Variants in ZNF561 observed in about 807,000 individuals in gnomAD.
ZNF561 encodes zinc finger protein 561.
In ZNF561, 16 loss-of-function variants were observed where a neutral mutation model predicts 16.7. The observed-to-expected ratio is 0.96, with a 90% CI of 0.65 to 1.45. The LOEUF is 1.45. Among genes scored for constraint, ZNF561 ranks in the 40% most tolerant of loss-of-function variants. The pLI, the probability that ZNF561 is intolerant of heterozygous loss-of-function variation, is 0.00. For missense variants in ZNF561, 580 were observed against 578.0 expected (o/e 1.00, Z -0.04); for synonymous variants, 190 against 192.1 (o/e 0.99, Z 0.09).
rs373171170 is a variant in ZNF561, at chr19:9,610,959, G to A, written c.702C>T (p.Val234=). 2.5e-6 allele frequency: 4 copies of A among 1,614,046 alleles called. No individual in the cohort carries two copies. In the African/African-American group the frequency reaches 5.3e-5, roughly 22 times the overall value. The change falls in exon 6 of 6, where the codon GTC becomes GTT. Residue 234 remains valine, a synonymous_variant. Transcript: ENST00000302851. ...ACTGCTTTAGGTGTGAAGAAGCTGT[G>A]ACAGCTCTCCCATATTCCTGAAATT... ...LCEFQEYGRA[V]TASSHLKQCV...
chr19:9,620,630 C>G (rs2074654966), intron 1 of ZNF561, among the ~76,000 whole-genome samples: 1 of 152,280 alleles, frequency 6.6e-6, no homozygotes, highest in Non-Finnish European at 1.5e-5. Context: ...GTGTTACCCC[C>G]CCGCCATATG....
chr19:9,617,550 C>A, intron 3 of ZNF561: 1 of 376,482 alleles, frequency 2.7e-6, no homozygotes, highest in African/African-American at 2.1e-5. Context: ...AAACAGGGTC[C>A]AACTGTGTCA....
intron 5 of ZNF561, among the ~76,000 whole-genome samples, chr19:9,612,774 A>T (rs570583053): frequency 1.2e-4 from 19 of 152,330 alleles, no homozygotes; most frequent in Admixed American, 8.5e-4. Flanking sequence ...GTTCAAAAAA[A>T]GAAAACTGTA....
chr19:9,617,794 G>C, intron 3 of ZNF561: 1 of 481,504 alleles, frequency 2.1e-6, no homozygotes, highest in Non-Finnish European at 4.1e-6. Context: ...TTTGATAAAA[G>C]GACACTTTCA....
At chr19:9,614,512 G>A (rs1481721451) in intron 4 of ZNF561, among the ~76,000 whole-genome samples, 1 of 152,190 alleles carries the variant, frequency 6.6e-6, no homozygotes, top group Non-Finnish European at 1.5e-5. Flanking sequence ...TGAGGCTGAG[G>A]CAGTATTGCT....
chr19:9,617,172 C>A lies in ZNF561; in HGVS notation c.115-1G>T. The A allele has an allele frequency of 6.2e-7, 1 of 1,611,990 alleles. No homozygotes were observed. Among genetic ancestry groups the A allele is most frequent in the South Asian group, 1.1e-5 (1 of 90,854 alleles). On this transcript the variant is annotated splice_acceptor_variant, in intron 3 of 5. Transcript: ENST00000302851. LOFTEE classifies it high-confidence loss of function. ...CCACATCATCAAACGTCACTGAATC[C>A]TATGTCATCATACACATGCTGGTTT...
intron 3 of ZNF561, 28 bp from the exon 4 acceptor site, chr19:9,617,199 A>C: frequency 6.2e-7 from 1 of 1,605,374 alleles, no homozygotes; most frequent in South Asian, 1.1e-5. Flanking sequence ...TGCTGGTTTG[A>C]GCCAATGAAC....
chr19:9,618,247 A>C, intron 2 of ZNF561, 68 bp from the exon 3 acceptor site: 1 of 1,399,654 alleles, frequency 7.1e-7, no homozygotes. Flanking sequence ...CATGCCTAGA[A>C]GTCATTCCAT....
At chr19:9,616,325 C>T (rs1404590020) in intron 4 of ZNF561, among the ~76,000 whole-genome samples, 5 of 151,984 alleles carry the variant, frequency 3.3e-5, no homozygotes, top group Admixed American at 6.6e-5. Flanking sequence ...TGTGTCGCCC[C>T]GGCAGGAGTG....
chr19:9,617,211 C>T, intron 3 of ZNF561, 40 bp from the exon 4 acceptor site: 2 of 1,598,010 alleles, frequency 1.3e-6, no homozygotes, highest in South Asian at 2.2e-5. Context: ...CCAATGAACA[C>T]TTCCACCAAT....
chr19:9,610,616 AC>A lies in ZNF561; in HGVS notation c.1044del (p.Gln348HisfsTer65). On this transcript the variant is annotated frameshift_variant, in exon 6 of 6. Transcript: ENST00000302851. LOFTEE classifies it low-confidence loss of function (END_TRUNC). ...ECKECGQAFA[Q>X]YSGLSIHIRS... ...CGTATGTGTATAGAAAGGCCCGAGT[AC>A]TGAGCAAAGGCTTGGCCACATTCCT... 6.2e-7 allele frequency: 1 copy of A among 1,613,974 alleles called. No homozygotes were observed. Among genetic ancestry groups the A allele is most frequent in the Non-Finnish European group, 8.5e-7 (1 of 1,179,900 alleles).
chr19:9,617,238 T>G (rs1225048345), intron 3 of ZNF561, 67 bp from the exon 4 acceptor site: 6 of 1,560,308 alleles, frequency 3.8e-6, no homozygotes, highest in African/African-American at 1.4e-5. Context: ...TGGAGAATGA[T>G]GAAGGGGAAC....
In ZNF561 at chr19:9,619,728, CA is replaced by C. The variant is rs202001082; in HGVS notation, c.-126-147del. ...CACTCAGTAACAAAAGTATTAATAA[CA>C]GTAACTGACATTTACTGAGGACTGA... On this transcript the variant is annotated intron_variant, in intron 1 of 5. Transcript: ENST00000302851. The C allele has an allele frequency of 3.1e-3, 1,128 of 359,544 alleles. 10 individuals carry two copies. Among genetic ancestry groups the C allele is most frequent in the African/African-American group, 0.023 (1,081 of 47,502 alleles). 22.3% of individuals were successfully genotyped at this position (359,544 alleles called of 1,614,324 possible).
intron 1 of ZNF561, 134 bp from the exon 2 acceptor site, chr19:9,619,716 AAGTATT>A (rs1322599063): frequency 8.2e-6 from 3 of 364,342 alleles, no homozygotes; most frequent in African/African-American, 6.3e-5. Context: ...TCAGTAACAA[AAGTATT>A]AATAACAGTA....
At position 9,618,138 on chromosome 19, in the gene ZNF561, T is replaced by A. The variant is rs367880821; in HGVS notation, c.67A>T (p.Thr23Ser). 1.2e-4 allele frequency: 180 copies of A among 1,551,316 alleles called. No homozygotes were observed. Among genetic ancestry groups the A allele is most frequent in the Non-Finnish European group, 1.5e-4 (174 of 1,146,776 alleles). Residue 23 changes from threonine to serine, a missense_variant, in exon 3 of 6, where the codon ACA (threonine) becomes TCA (serine). By Grantham distance (58) the Thr-to-Ser change is moderately conservative. Coordinates refer to ENST00000302851, the MANE Select transcript of ZNF561 (RefSeq NM_152289.3). Reference protein sequence around the residue: ...REPICPFEEKTKVERMVEDYL... With the variant: ...REPICPFEEKSKVERMVEDYL... Reference sequence around the variant, plus strand: ...TCCTCCACCATCCTTTCTACCTTTGTCTTTTCTTCAAAAGGGCAGATTGGT... The same window carrying A: ...TCCTCCACCATCCTTTCTACCTTTGACTTTTCTTCAAAAGGGCAGATTGGT...
chr19:9,610,586 G>A lies in ZNF561; in HGVS notation c.1075C>T (p.His359Tyr), dbSNP rs748456081. 4 of 1,613,180 alleles carry A rather than the reference G, an allele frequency of 2.5e-6. 1 individual carries two copies. The highest frequency in any genetic ancestry group is 1.7e-5 in the Admixed American group (1 of 59,886). The change falls in exon 6 of 6, where the codon CAC becomes TAC. Residue 359 changes from histidine (H) to tyrosine (Y), a missense_variant. Transcript: ENST00000302851. ...YSGLSIHIRS[H>Y]SGKKPYQCKE... Reference sequence around the variant, plus strand: ...CACTGATAGGGTTTCTTTCCACTGTGACTTCGTATGTGTATAGAAAGGCCC... The same window carrying A: ...CACTGATAGGGTTTCTTTCCACTGTAACTTCGTATGTGTATAGAAAGGCCC...
intron 3 of ZNF561, chr19:9,617,431 T>C: frequency 1.6e-6 from 1 of 613,614 alleles, no homozygotes; most frequent in Non-Finnish European, 2.1e-6. Flanking sequence ...TTAATATTTG[T>C]ATTTTTAAAT....
chr19:9,618,045 TGGA>T, intron 3 of ZNF561, 43 bp downstream of exon 3: 1 of 1,503,144 alleles, frequency 6.7e-7, no homozygotes, highest in South Asian at 1.2e-5. Context: ...GTCTACCTAT[TGGA>T]TGAAAGCATA....
rs148564849 is a variant in ZNF561, at chr19:9,610,878, G to C, written c.783C>G (p.Ser261=). ...CATAAAGTTGAGAAAAATTAGTGAA[G>C]GATTTCCCACATTTCTTAGTCTTTT... ...KSKKTKKCGK[S]FTNFSQLYAP... is the part of the protein sequence containing the mutation. Residue 261 remains serine, a synonymous_variant, in exon 6 of 6, where the codon TCC becomes TCG. Coordinates refer to ENST00000302851, the MANE Select transcript of ZNF561 (RefSeq NM_152289.3). 3,390 of 1,614,098 alleles carry C rather than the reference G, an allele frequency of 2.1e-3. 5 individuals are homozygous for C. Among genetic ancestry groups the C allele is most frequent in the Non-Finnish European group, 2.7e-3 (3,141 of 1,180,008 alleles).
Sources: allele counts gnomAD v4.1 joint callset (sites outside exome capture counted in the v4.1 genomes callset), GRCh38; gene constraint gnomAD v4.1.1; transcripts MANE v1.5; gene names NCBI Gene and HGNC (gene_info 2026-07-23, HGNC 2026-07-21).